ABCC6: variants seen among roughly 807,000 people sequenced by gnomAD.
ABCC6 encodes ATP-binding cassette sub-family C member 6.
A neutral mutation model predicts 169.5 loss-of-function variants in ABCC6; 126 were observed. The observed-to-expected ratio is 0.74, with a 90% CI of 0.64 to 0.86. The LOEUF (loss-of-function observed/expected upper bound fraction) is 0.86. ABCC6 is among the 40% of genes least tolerant of loss of function. The pLI is 0.00. For synonymous variants in ABCC6, 752 were observed against 814.7 expected (o/e 0.92, Z 1.31); for missense variants, 1,733 against 1,927.2 (o/e 0.90, Z 1.89).
chr16:16,156,204 C>T (rs1201934999), intron 27 of ABCC6, among the ~76,000 whole-genome samples: 2 of 152,224 alleles, frequency 1.3e-5, no homozygotes, highest in Non-Finnish European at 1.5e-5. Context: ...GTATAAGCCA[C>T]AGCACCCAGC....
intron 4 of ABCC6, among the ~76,000 whole-genome samples, chr16:16,215,082 G>A (rs567513080): frequency 5.2e-4 from 79 of 152,288 alleles, no homozygotes; most frequent in Middle Eastern, 3.4e-3. Flanking sequence ...TCCTTTCTCC[G>A]TTCCACCCTC....
chr16:16,165,158 C>T (rs2046835826), intron 23 of ABCC6, among the ~76,000 whole-genome samples: 1 of 152,202 alleles, frequency 6.6e-6, no homozygotes, highest in Non-Finnish European at 1.5e-5. Flanking sequence ...GCCCTGTAAT[C>T]CCAGAACTTT....
At chr16:16,176,085 C>A in intron 19 of ABCC6, 99 bp from the exon 20 acceptor site, 4 of 1,189,248 alleles carry the variant, frequency 3.4e-6, no homozygotes, top group East Asian at 2.4e-5. Flanking sequence ...ATCCATTTCC[C>A]CTGATCTGGC....
chr16:16,173,298 T>C lies in ABCC6; in HGVS notation c.2773A>G (p.Ile925Val). 1 of 1,614,002 alleles carries C rather than the reference T, an allele frequency of 6.2e-7. No homozygotes were observed. Among genetic ancestry groups the C allele is most frequent in the Non-Finnish European group, 8.5e-7 (1 of 1,180,016 alleles). ...CTGGTGGTTACCCTGCCGTATTGGA[T>C]GCTGTCCTTTCCTGCTGGCCATCCT... Reference protein sequence around the residue: ...RAGWPAGKDSIQYGRVKATVH... With the variant: ...RAGWPAGKDSVQYGRVKATVH... Residue 925 changes from isoleucine to valine, a missense_variant, in exon 21 of 31, where the codon ATC becomes GTC. By Grantham distance (29) the Ile-to-Val change is conservative. This residue lies in a region of ABCC6 where 1,601 missense variants were observed against 1,635.5 expected (regional missense o/e 0.98). Coordinates refer to ENST00000205557, the MANE Select transcript of ABCC6 (RefSeq NM_001171.6).
chr16:16,150,601 C>T lies in ABCC6; in HGVS notation c.4380G>A (p.Leu1460=), dbSNP rs965832833. The T allele has an allele frequency of 1.2e-6, 2 of 1,612,418 alleles. No individual in the cohort carries two copies. Among genetic ancestry groups the T allele is most frequent in the African/African-American group, 1.3e-5 (1 of 75,042 alleles). Residue 1460 remains leucine, a synonymous_variant, in exon 30 of 31, where the codon CTG becomes CTA. Transcript: ENST00000205557. ...ACCGGGCACAGTCCATCACGGAGCG[C>T]AGGCGGTGGGCAATGAGCAGCACAG... ...QCTVLLIAHR[L]RSVMDCARVL...
Position 16,169,646 on chromosome 16 carries a change from C to G in ABCC6, c.2995G>C (p.Ala999Pro). 1 of 1,610,584 alleles carries G rather than the reference C, an allele frequency of 6.2e-7. No individual in the cohort carries two copies. Among genetic ancestry groups the G allele is most frequent in the Non-Finnish European group, 8.5e-7 (1 of 1,179,614 alleles). The change falls in exon 22 of 31, where the codon GCC becomes CCC. Residue 999 changes from alanine to proline, a missense_variant and splice_region_variant. Coordinates refer to ENST00000205557, the MANE Select transcript of ABCC6 (RefSeq NM_001171.6). The part of the protein sequence containing the change: ...GIFGLLGCLQ[A>P]IGLFASMAAV... ...GATGAGGAGGGCAGGTGAGGCGTACCTTGGAGACAGCCGAGGAGCCCGAAG... is the reference window on the plus strand; with the variant it reads ...GATGAGGAGGGCAGGTGAGGCGTACGTTGGAGACAGCCGAGGAGCCCGAAG...
At chr16:16,211,616 T>C (rs4459565) in intron 6 of ABCC6, among the ~76,000 whole-genome samples, 5 of 152,094 alleles carry the variant, frequency 3.3e-5, no homozygotes, top group African/African-American at 7.2e-5. Flanking sequence ...TTCAAATCCA[T>C]ATGTCAGGTG....
rs530198848 is a variant in ABCC6, at chr16:16,174,847, G to T, written c.2666+1064C>A. Among the ~76,000 whole-genome samples, 11 of 146,468 alleles carry T rather than the reference G, an allele frequency of 7.5e-5. No individual in the cohort carries two copies. The East Asian group carries it at 2.5e-3, about 34-fold the overall frequency. On this transcript the variant is annotated intron_variant, in intron 20 of 30. Coordinates refer to ENST00000205557, the MANE Select transcript of ABCC6 (RefSeq NM_001171.6). Reference sequence around the variant, plus strand: ...ACAATCTCGGCTCACTGCAACCTCCGCCTCCGAGGTTCAAGTGATTCTCGT... The same window carrying T: ...ACAATCTCGGCTCACTGCAACCTCCTCCTCCGAGGTTCAAGTGATTCTCGT...
At chr16:16,210,528 A>G (rs575217534) in intron 6 of ABCC6, among the ~76,000 whole-genome samples, 1 of 152,354 alleles carries the variant, frequency 6.6e-6, no homozygotes, top group Admixed American at 6.5e-5. Flanking sequence ...CCCTGAAATT[A>G]TTTTTGGAGT....
intron 15 of ABCC6, among the ~76,000 whole-genome samples, chr16:16,183,855 G>T (rs984885293): frequency 1.3e-5 from 2 of 152,004 alleles, no homozygotes; most frequent in East Asian, 3.9e-4. Context: ...CCCAGGTCCA[G>T]GCACTCTCCT....
chr16:16,188,744 T>C, intron 13 of ABCC6, 87 bp downstream of exon 13: 1 of 1,510,510 alleles, frequency 6.6e-7, no homozygotes, highest in Non-Finnish European at 9.0e-7. Context: ...TTCCCTCTCC[T>C]CTGCAAATGG....
At chr16:16,178,652 C>T (rs1377851484) in intron 18 of ABCC6, 146 bp downstream of exon 18, 1 of 929,732 alleles carries the variant, frequency 1.1e-6, no homozygotes, top group Non-Finnish European at 1.8e-6. Flanking sequence ...TGTTACATAG[C>T]ATTGTCACAG....
chr16:16,219,338 C>A (rs926681034), intron 4 of ABCC6, among the ~76,000 whole-genome samples: 2 of 152,100 alleles, frequency 1.3e-5, no homozygotes, highest in Non-Finnish European at 2.9e-5. Context: ...GTGATGTGGG[C>A]CTGTAAGACA....
intron 10 of ABCC6, among the ~76,000 whole-genome samples, chr16:16,195,848 A>G (rs186663067): frequency 6.6e-6 from 1 of 152,316 alleles, no homozygotes; most frequent in East Asian, 1.9e-4. Context: ...CTTAGCAAAA[A>G]CAATCATATG....
At chr16:16,204,506 T>C (rs1162469331) in intron 7 of ABCC6, among the ~76,000 whole-genome samples, 1 of 151,776 alleles carries the variant, frequency 6.6e-6, no homozygotes. Flanking sequence ...TAGCTCTGGG[T>C]GAAAGTGCAG....
chr16:16,190,339 CGT>C lies in ABCC6; in HGVS notation c.1458_1459del (p.Arg487GlyfsTer112). 1 of 1,614,138 alleles carries C rather than the reference CGT, an allele frequency of 6.2e-7. No individual in the cohort carries two copies. Among genetic ancestry groups the C allele is most frequent in the Non-Finnish European group, 8.5e-7 (1 of 1,180,026 alleles). ...GAGGATAGAGCTGGTGAGCCGTGCCCGTGAGTCCTTCTGCCTCATTTGCTCCT... is the reference window on the plus strand; with the variant it reads ...GAGGATAGAGCTGGTGAGCCGTGCCCGAGTCCTTCTGCCTCATTTGCTCCT... On this transcript the variant is annotated frameshift_variant, in exon 12 of 31. Transcript: ENST00000205557. LOFTEE classifies it high-confidence loss of function.
intron 10 of ABCC6, 62 bp downstream of exon 10, chr16:16,197,959 G>T (rs58394656): frequency 3.9e-6 from 6 of 1,520,346 alleles, no homozygotes; most frequent in South Asian, 1.2e-5. Flanking sequence ...GGGGGAAGGA[G>T]GAGGGGGAGA....
intron 29 of ABCC6, among the ~76,000 whole-genome samples, 178 bp from the exon 30 acceptor site, chr16:16,150,950 C>T (rs1361181440): frequency 6.6e-6 from 1 of 152,234 alleles, no homozygotes; most frequent in Non-Finnish European, 1.5e-5. Flanking sequence ...CCTGTTCCTG[C>T]CATCTTTGAG....
Position 16,159,400 on chromosome 16 carries a change from G to A in ABCC6, c.3735+82C>T, listed in dbSNP as rs945926144. The A allele has an allele frequency of 1.3e-5, 17 of 1,308,560 alleles. No homozygotes were observed. In the African/African-American group the frequency reaches 2.5e-4, roughly 19 times the overall value. 81.1% of individuals were successfully genotyped at this position (1,308,560 alleles called of 1,614,324 possible). On this transcript the variant is annotated intron_variant, in intron 26 of 30. Transcript: ENST00000205557. ...GAAGAGGGTATAAACTCCAAAGCCT[G>A]TAGCAGATGTCAACAGGGACCCATT... is the stretch of plus-strand genomic sequence containing the variant.
Sources: allele counts gnomAD v4.1 joint callset (sites outside exome capture counted in the v4.1 genomes callset), GRCh38; gene constraint gnomAD v4.1.1; regional missense constraint gnomAD v4.1.1; transcripts MANE v1.5; gene names NCBI Gene and HGNC (gene_info 2026-07-23, HGNC 2026-07-21).